The following COQ5 variants were observed in gnomAD, a reference collection of about 807,000 sequenced individuals.
COQ5 encodes the protein coenzyme Q5, methyltransferase.
Under a neutral mutation model 40.5 loss-of-function variants are expected in COQ5, and 27 were observed. That is an observed-to-expected ratio of 0.67 (90% CI 0.49 to 0.92). COQ5 has a LOEUF of 0.92. COQ5 is among the 40% of genes least tolerant of loss of function. The pLI, the probability that COQ5 is intolerant of heterozygous loss-of-function variation, is 0.00. For missense variants in COQ5, 409 were observed against 406.4 expected, an observed-to-expected ratio of 1.01 and a Z score of -0.06; for synonymous variants, 141 against 150.0, an observed-to-expected ratio of 0.94 and a Z score of 0.44.
chr12:120,529,000 G>A lies in COQ5; in HGVS notation c.142C>T (p.Arg48Trp), dbSNP rs1443706703. The A allele has an allele frequency of 6.2e-7, 1 of 1,613,808 alleles. No homozygotes were observed. The highest frequency in any genetic ancestry group is 2.2e-5 in the East Asian group (1 of 44,878). ...LSARLLSQEKRAAETHFGFET... is the reference protein window; with the variant it reads ...LSARLLSQEKWAAETHFGFET... ...AACCCAAAGTGCGTTTCCGCTGCCCGCTTCTCTTGGGACAAGAGCCGAGCA... is the reference window on the plus strand; with the variant it reads ...AACCCAAAGTGCGTTTCCGCTGCCCACTTCTCTTGGGACAAGAGCCGAGCA... Residue 48 changes from arginine to tryptophan, a missense_variant, in exon 1 of 7, where the codon CGG becomes TGG. Coordinates refer to ENST00000288532, the MANE Select transcript of COQ5 (RefSeq NM_032314.4).
chr12:120,522,924 G>A (rs944440555), intron 1 of COQ5: 7 of 685,548 alleles, frequency 1.0e-5, no homozygotes, highest in Admixed American at 4.2e-5. Context: ...ACGTGCACTC[G>A]TGGCCCTGGC....
At chr12:120,516,923 G>A (rs1869402690) in intron 2 of COQ5, 135 bp from the exon 3 acceptor site, 2 of 780,412 alleles carry the variant, frequency 2.6e-6, no homozygotes, top group Non-Finnish European at 4.5e-6. Context: ...CAGTGTGGCT[G>A]AAAGCCAAGT....
At chr12:120,528,704 T>G (rs1221525630) in intron 1 of COQ5, among the ~76,000 whole-genome samples, 8 of 151,220 alleles carry the variant, frequency 5.3e-5, no homozygotes. Flanking sequence ...CTCGGGAAGC[T>G]GAGGCAGGAG....
At chr12:120,527,706 G>A (rs1246080895) in intron 1 of COQ5, among the ~76,000 whole-genome samples, 1 of 151,994 alleles carries the variant, frequency 6.6e-6, no homozygotes, top group Non-Finnish European at 1.5e-5. Context: ...TACATTGGCC[G>A]GTGTGGTGGC....
chr12:120,505,364 T>C (rs1019541924), intron 4 of COQ5, among the ~76,000 whole-genome samples: 1 of 152,078 alleles, frequency 6.6e-6, no homozygotes, highest in Admixed American at 6.6e-5. Context: ...ACGTGGGTTA[T>C]TCACTTTTTT....
At chr12:120,524,860 C>A (rs899528670) in intron 1 of COQ5, among the ~76,000 whole-genome samples, 1 of 151,966 alleles carries the variant, frequency 6.6e-6, no homozygotes, top group Non-Finnish European at 1.5e-5. Flanking sequence ...GCTCTGTCAC[C>A]CAGGCTGGAG....
At chr12:120,513,289 G>A (rs1157173854) in intron 3 of COQ5, among the ~76,000 whole-genome samples, 1 of 149,946 alleles carries the variant, frequency 6.7e-6, no homozygotes, top group Non-Finnish European at 1.5e-5. Context: ...GGATCACAAG[G>A]TCAGGAGATC....
Position 120,529,105 on chromosome 12 carries a change from A to C in COQ5, c.37T>G (p.Cys13Gly). 1 of 1,614,120 alleles carries C rather than the reference A, an allele frequency of 6.2e-7. No homozygotes were observed. Among genetic ancestry groups the C allele is most frequent in the Non-Finnish European group, 8.5e-7 (1 of 1,180,008 alleles). Residue 13 changes from cysteine (C) to glycine (G), a missense_variant, in exon 1 of 7, where the codon TGC becomes GGC. Physicochemically the swap from Cys to Gly is radical, Grantham distance 159 (BLOSUM62 -3). Coordinates refer to ENST00000288532, the MANE Select transcript of COQ5 (RefSeq NM_032314.4). ...ATCGCCCGCGACCACCCACGGCCGC[A>C]ATAGCTCCATAGAGCACAGCTCCCG... ...APGSCALWSYCGRGWSRAMRG... is the reference protein window; with the variant it reads ...APGSCALWSYGGRGWSRAMRG...
intron 3 of COQ5, among the ~76,000 whole-genome samples, chr12:120,513,711 G>A (rs1869252923): frequency 1.3e-5 from 2 of 151,692 alleles, no homozygotes; most frequent in Non-Finnish European, 2.9e-5. Flanking sequence ...GTAGAGACAG[G>A]GTTTCACCAT....
At chr12:120,515,176 C>T (rs1869326854) in intron 3 of COQ5, among the ~76,000 whole-genome samples, 1 of 152,016 alleles carries the variant, frequency 6.6e-6, no homozygotes, top group Admixed American at 6.6e-5. Context: ...ACTGCAGTCT[C>T]GACCTCCTGG....
intron 1 of COQ5, among the ~76,000 whole-genome samples, chr12:120,525,650 C>A (rs966389927): frequency 6.6e-6 from 1 of 152,056 alleles, no homozygotes; most frequent in African/African-American, 2.4e-5. Flanking sequence ...CAAGGCTGGG[C>A]GCAGTGGCTC....
At chr12:120,504,540 A>G (rs1163795252) in intron 5 of COQ5, 3 of 313,592 alleles carry the variant, frequency 9.6e-6, no homozygotes, top group Non-Finnish European at 1.8e-5. Flanking sequence ...GAGCCACTGC[A>G]CTTGGCCCAA....
chr12:120,511,923 T>C (rs1176565038), intron 3 of COQ5, among the ~76,000 whole-genome samples: 1 of 152,154 alleles, frequency 6.6e-6, no homozygotes, highest in Non-Finnish European at 1.5e-5. Context: ...TAAAAAATAA[T>C]GATTTTGGCC....
intron 1 of COQ5, among the ~76,000 whole-genome samples, chr12:120,527,718 C>A (rs1268928788): frequency 6.6e-6 from 1 of 151,942 alleles, no homozygotes; most frequent in African/African-American, 2.4e-5. Flanking sequence ...TGTGGTGGCT[C>A]ATGCCTGTAA....
At chr12:120,512,902 A>C (rs992367456) in intron 3 of COQ5, among the ~76,000 whole-genome samples, 2 of 151,910 alleles carry the variant, frequency 1.3e-5, no homozygotes, top group Non-Finnish European at 2.9e-5. Flanking sequence ...TAATAAAAAT[A>C]CAAAAATTAG....
At chr12:120,504,842 G>T in intron 5 of COQ5, 53 bp downstream of exon 5, 1 of 1,448,722 alleles carries the variant, frequency 6.9e-7, no homozygotes, top group Non-Finnish European at 9.7e-7. Flanking sequence ...TCCATTTCGG[G>T]GTGGGAAACC....
chr12:120,528,962 C>A lies in COQ5; in HGVS notation c.180G>T (p.Ser60=), dbSNP rs1593029290. ...CACCTTTGCCCCCCTTCTCCTCTTC[C>A]GACACAGTCTCAAACCCAAAGTGCG... is the stretch of plus-strand genomic sequence containing the variant. ...AETHFGFETV[S]EEEKGGKVYQ... Residue 60 remains serine, a synonymous_variant, in exon 1 of 7, where the codon TCG becomes TCT. Coordinates refer to ENST00000288532, the MANE Select transcript of COQ5 (RefSeq NM_032314.4). The A allele has an allele frequency of 9.3e-6, 15 of 1,614,028 alleles. No homozygotes were observed. The South Asian group carries it at 1.5e-4, about 17-fold the overall frequency.
chr12:120,522,710 G>A, intron 1 of COQ5: 4 of 653,908 alleles, frequency 6.1e-6, no homozygotes, highest in Non-Finnish European at 8.2e-6. Flanking sequence ...AGCCTAAGCT[G>A]GAGCTGCAGC....
intron 3 of COQ5, among the ~76,000 whole-genome samples, chr12:120,516,213 G>A (rs1261122568): frequency 6.6e-6 from 1 of 152,174 alleles, no homozygotes; most frequent in Non-Finnish European, 1.5e-5. Flanking sequence ...TGAAGCTGCT[G>A]GGAAATGACA....
Sources: allele counts gnomAD v4.1 joint callset (sites outside exome capture counted in the v4.1 genomes callset), GRCh38; gene constraint gnomAD v4.1.1; transcripts MANE v1.5; gene names NCBI Gene and HGNC (gene_info 2026-07-23, HGNC 2026-07-21).